PEPD: variants seen among roughly 807,000 people sequenced by gnomAD.
The protein encoded by PEPD is xaa-Pro dipeptidase.
A neutral mutation model predicts 60.7 loss-of-function variants in PEPD; 53 were observed. That is an observed-to-expected ratio of 0.87 (90% CI 0.70 to 1.10). The LOEUF is 1.10. Ranked by LOEUF, PEPD falls within the 50% of genes least tolerant of loss-of-function variation. PEPD has a pLI of 0.00. For synonymous variants in PEPD, 267 were observed against 284.1 expected (o/e 0.94, Z 0.60); for missense variants, 711 against 711.9 (o/e 1.00, Z 0.01).
intron 10 of PEPD, 92 bp downstream of exon 10, chr19:33,413,483 G>A: frequency 2.6e-6 from 2 of 757,850 alleles, no homozygotes; most frequent in South Asian, 1.5e-5. Context: ...AGCAAGTGTG[G>A]CTGAGCTGGG....
At chr19:33,457,703 G>A (rs879337939) in intron 9 of PEPD, among the ~76,000 whole-genome samples, 13 of 152,192 alleles carry the variant, frequency 8.5e-5, no homozygotes, top group South Asian at 2.1e-4. Flanking sequence ...GTAGAGACGC[G>A]GTTTCACCGC....
chr19:33,427,024 C>T (rs986730689), intron 9 of PEPD, among the ~76,000 whole-genome samples: 1 of 152,254 alleles, frequency 6.6e-6, no homozygotes, highest in African/African-American at 2.4e-5. Flanking sequence ...TGCCGACAAC[C>T]CCTCTTCTAA....
chr19:33,483,141 G>C (rs1454366254), intron 6 of PEPD, among the ~76,000 whole-genome samples: 3 of 152,122 alleles, frequency 2.0e-5, no homozygotes, highest in African/African-American at 7.2e-5. Flanking sequence ...ATAACAATAT[G>C]AAATATCATA....
intron 7 of PEPD, among the ~76,000 whole-genome samples, chr19:33,466,983 C>G (rs1484491067): frequency 6.6e-6 from 1 of 151,760 alleles, no homozygotes. Flanking sequence ...CGGTGAAACC[C>G]CATCTCTACT....
chr19:33,459,769 C>T (rs1365806526), intron 9 of PEPD, among the ~76,000 whole-genome samples: 3 of 152,056 alleles, frequency 2.0e-5, no homozygotes, highest in East Asian at 1.9e-4. Context: ...AGGCCACCAT[C>T]GCTTGAGTCC....
chr19:33,418,901 A>G (rs1376692592), intron 9 of PEPD, among the ~76,000 whole-genome samples: 1 of 152,222 alleles, frequency 6.6e-6, no homozygotes, highest in Non-Finnish European at 1.5e-5. Context: ...CCAGAAATGC[A>G]TGATTAATAA....
At chr19:33,465,199 C>T in intron 7 of PEPD, among the ~76,000 whole-genome samples, 1 of 152,184 alleles carries the variant, frequency 6.6e-6, no homozygotes, top group East Asian at 1.9e-4. Flanking sequence ...CCTGCAGACA[C>T]CACGTCATCC....
Position 33,515,350 on chromosome 19 carries a change from C to T in PEPD, c.18-2574G>A, listed in dbSNP as rs79519793. Among the ~76,000 whole-genome samples, 93 of 152,298 alleles carry T rather than the reference C, an allele frequency of 6.1e-4. No homozygotes were observed. The East Asian group carries it at 0.015, about 25-fold the overall frequency. On this transcript the variant is annotated intron_variant, in intron 1 of 14. Transcript: ENST00000244137. ...CGCTCCCCCACGTGCCCTTCCTACC[C>T]TCCCAGGAGGGTGAGCAGGTGGCTG...
At chr19:33,490,556 T>C (rs115419793) in intron 5 of PEPD, among the ~76,000 whole-genome samples, 213 of 152,304 alleles carry the variant, frequency 1.4e-3, no homozygotes, top group African/African-American at 5.0e-3. Context: ...ATCCCTCTCT[T>C]AACTCCAAGG....
In PEPD at chr19:33,391,459, G is replaced by A. The variant is rs1968219078; in HGVS notation, c.988C>T (p.His330Tyr). 2 of 1,551,874 alleles carry A rather than the reference G, an allele frequency of 1.3e-6. No homozygotes were observed. Among genetic ancestry groups the A allele is most frequent in the Non-Finnish European group, 1.7e-6 (2 of 1,148,098 alleles). Residue 330 changes from histidine to tyrosine, a missense_variant, in exon 13 of 15, where the codon CAC (histidine) becomes TAC (tyrosine). By Grantham distance (83) the His-to-Tyr change is moderately conservative. Transcript: ENST00000244137. The stretch of plus-strand genomic sequence containing the variant: ...AGGTGGATGCGGTCAGCCAGGCGGT[G>A]CATGTCAGGCCACCAGACACCTGTG... The part of the protein sequence containing the change: ...MKPGVWWPDM[H>Y]RLADRIHLEE...
chr19:33,520,465 C>G (rs2145367419), intron 1 of PEPD, among the ~76,000 whole-genome samples: 1 of 152,336 alleles, frequency 6.6e-6, no homozygotes, highest in South Asian at 2.1e-4. Context: ...AGCTCAGAGT[C>G]CATGCCCCTC....
chr19:33,446,925 A>C (rs561085893), intron 9 of PEPD, among the ~76,000 whole-genome samples: 46 of 152,296 alleles, frequency 3.0e-4, no homozygotes, highest in African/African-American at 1.1e-3. Flanking sequence ...TAAGAAAGTA[A>C]AACAGCACCA....
chr19:33,402,969 T>C (rs1968536598), intron 11 of PEPD, among the ~76,000 whole-genome samples: 1 of 152,110 alleles, frequency 6.6e-6, no homozygotes, highest in Admixed American at 6.5e-5. Flanking sequence ...GTCCTTGCTG[T>C]GCAAAGGACC....
chr19:33,517,554 G>A (rs1444951668), intron 1 of PEPD, among the ~76,000 whole-genome samples: 3 of 150,206 alleles, frequency 2.0e-5, no homozygotes, highest in Non-Finnish European at 4.4e-5. Context: ...GCAAGACTCC[G>A]TTTCAAAAAA....
At chr19:33,517,049 C>T (rs532637992) in intron 1 of PEPD, among the ~76,000 whole-genome samples, 1 of 152,092 alleles carries the variant, frequency 6.6e-6, no homozygotes, top group East Asian at 1.9e-4. Flanking sequence ...GGAATGGTGG[C>T]TTGTGCATGT....
intron 9 of PEPD, among the ~76,000 whole-genome samples, chr19:33,451,398 G>A (rs1466085678): frequency 1.3e-5 from 2 of 152,128 alleles, no homozygotes; most frequent in African/African-American, 4.8e-5. Context: ...AACATAAGTA[G>A]AAAACAGAAA....
At chr19:33,509,645 A>G (rs1600173963) in intron 3 of PEPD, among the ~76,000 whole-genome samples, 1 of 152,206 alleles carries the variant, frequency 6.6e-6, no homozygotes, top group East Asian at 1.9e-4. Context: ...TCTGCAGCCC[A>G]CCTGGTAATG....
chr19:33,520,801 AC>A (rs1971117121), intron 1 of PEPD, among the ~76,000 whole-genome samples: 1 of 150,502 alleles, frequency 6.6e-6, no homozygotes, highest in Non-Finnish European at 1.5e-5. Flanking sequence ...ACCCCACTGT[AC>A]CACCAGACCC....
At chr19:33,440,217 T>C (rs1969457180) in intron 9 of PEPD, among the ~76,000 whole-genome samples, 1 of 152,062 alleles carries the variant, frequency 6.6e-6, no homozygotes, top group Non-Finnish European at 1.5e-5. Context: ...CTCCCTGTCT[T>C]CCCCACCTCA....
Sources: gnomAD v4.1 joint callset for allele counts (sites outside exome capture counted in the v4.1 genomes callset) on GRCh38, gnomAD v4.1.1 for gene constraint, MANE v1.5 for transcripts, NCBI Gene and HGNC (gene_info 2026-07-23, HGNC 2026-07-21) for gene names.